SPDL1: variants seen among roughly 807,000 people sequenced by gnomAD.
The protein encoded by SPDL1 is spindle apparatus coiled-coil protein 1, also known as protein Spindly.
A neutral mutation model predicts 79.5 loss-of-function variants in SPDL1; 85 were observed. The ratio of observed to expected loss-of-function variants is 1.07; its 90% CI spans 0.90 to 1.28. The LOEUF (loss-of-function observed/expected upper bound fraction) is 1.28. Ranked by LOEUF, SPDL1 falls within the 50% of genes most tolerant of loss-of-function variation. SPDL1 has a pLI of 0.00. For synonymous variants in SPDL1, 269 were observed against 240.3 expected (o/e 1.12, Z -1.10); for missense variants, 703 against 697.8 (o/e 1.01, Z -0.08).
At chr5:169,597,370 A>G (rs1354458746) in intron 8 of SPDL1, among the ~76,000 whole-genome samples, 8 of 152,070 alleles carry the variant, frequency 5.3e-5, no homozygotes, top group Admixed American at 5.2e-4. Flanking sequence ...CCTTTATCAT[A>G]CATCAAGTTT....
chr5:169,593,548 G>A lies in SPDL1; in HGVS notation c.531G>A (p.Lys177=), dbSNP rs370881703. 1.9e-6 allele frequency: 3 copies of A among 1,578,078 alleles called. No individual in the cohort carries two copies. The South Asian group carries it at 3.6e-5, about 19-fold the overall frequency. The change falls in exon 4 of 12, where the codon AAG becomes AAA. Residue 177 remains lysine (K), a splice_region_variant and synonymous_variant. Transcript: ENST00000265295. ...AGCTGACAGAAATGGAGAGTATGAAGGTAATTTTTATGGCATGTGTTTCTC... is the reference window on the plus strand; with the variant it reads ...AGCTGACAGAAATGGAGAGTATGAAAGTAATTTTTATGGCATGTGTTTCTC... ...QIELTEMESM[K]TTLKEEVNEL...
intron 3 of SPDL1, 114 bp downstream of exon 3, chr5:169,591,338 A>C: frequency 9.8e-7 from 1 of 1,025,028 alleles, no homozygotes; most frequent in East Asian, 2.6e-5. Context: ...GCCAAGATCT[A>C]AGTCTTCATT....
At chr5:169,585,838 T>A (rs1359806590) in intron 1 of SPDL1, 3 of 152,238 alleles carry the variant, frequency 2.0e-5, no homozygotes, top group Admixed American at 6.5e-5. Context: ...TTACACAGAC[T>A]TCCACCACTG....
At chr5:169,592,263 C>T (rs1041730686) in intron 3 of SPDL1, among the ~76,000 whole-genome samples, 1 of 124,298 alleles carries the variant, frequency 8.0e-6, no homozygotes, top group African/African-American at 3.1e-5. Context: ...GTCGCCCAGG[C>T]TGGAGTGCAG....
rs759915620 is a variant in SPDL1 at position 169,593,325 on chromosome 5, A to G, written c.337-29A>G. The G allele has an allele frequency of 3.2e-6, 5 of 1,538,870 alleles. No homozygotes were observed. The East Asian group carries it at 6.9e-5, about 21-fold the overall frequency. The stretch of plus-strand genomic sequence containing the variant: ...GTTTTTAGAAAGAAAATAACTTTCA[A>G]TTTATGACTTTTTTTTTTTTGGCTT... On this transcript the variant is annotated intron_variant, in intron 3 of 11. Coordinates refer to ENST00000265295, the MANE Select transcript of SPDL1 (RefSeq NM_017785.5).
intron 11 of SPDL1, among the ~76,000 whole-genome samples, chr5:169,603,281 A>T (rs1452405340): frequency 6.6e-6 from 1 of 152,148 alleles, no homozygotes; most frequent in African/African-American, 2.4e-5. Flanking sequence ...TGTTCTTGTT[A>T]CCGAGAATCT....
chr5:169,601,874 ATATCACAGTT>A (rs1341129976), intron 11 of SPDL1: 1 of 562,270 alleles, frequency 1.8e-6, no homozygotes, highest in Non-Finnish European at 3.2e-6. Flanking sequence ...ATGAAAGGGA[ATATCACAGTT>A]TAACACATCT....
Position 169,601,529 on chromosome 5 carries a change from A to G in SPDL1, c.1574A>G (p.Gln525Arg). The change falls in exon 11 of 12, where the codon CAG becomes CGG. Residue 525 changes from glutamine to arginine, a missense_variant. Gln to Arg is a conservative substitution (Grantham distance 43, BLOSUM62 1). Coordinates refer to ENST00000265295, the MANE Select transcript of SPDL1 (RefSeq NM_017785.5). ...CACAAAAATCTGCCCGTGGATATGC[A>G]GCTGAAGAAGGAAAAGAAATGTGTG... is the stretch of plus-strand genomic sequence containing the variant. ...SPHKNLPVDM[Q>R]LKKEKKCVKL... is the part of the protein sequence containing the mutation. 2 of 1,614,212 alleles carry G rather than the reference A, an allele frequency of 1.2e-6. No homozygotes were observed. The highest frequency in any genetic ancestry group is 2.2e-5 in the South Asian group (2 of 91,086).
rs758896059 is a variant in SPDL1, at chr5:169,594,434, A to G, written c.722A>G (p.Asp241Gly). 2.8e-5 allele frequency: 45 copies of G among 1,614,004 alleles called. No individual in the cohort carries two copies. The highest frequency in any genetic ancestry group is 3.7e-5 in the Non-Finnish European group (44 of 1,179,966). Residue 241 changes from aspartate (D) to glycine (G), a missense_variant, in exon 6 of 12, where the codon GAC becomes GGC. Transcript: ENST00000265295. ...VANQDLQVQLDQALQQALDPN... is the reference protein window; with the variant it reads ...VANQDLQVQLGQALQQALDPN... ...AATCAAGATCTTCAGGTACAGTTGG[A>G]CCAGGCACTCCAGCAAGCCTTGGAT...
chr5:169,592,286 G>T (rs1415784019), intron 3 of SPDL1, among the ~76,000 whole-genome samples: 2 of 130,332 alleles, frequency 1.5e-5, no homozygotes, highest in Non-Finnish European at 3.1e-5. Context: ...GCATGATCTC[G>T]GCTCACCTGC....
chr5:169,598,912 C>A, intron 9 of SPDL1, 60 bp from the exon 10 acceptor site: 1 of 1,490,154 alleles, frequency 6.7e-7, no homozygotes, highest in East Asian at 2.3e-5. Context: ...AATATTTATA[C>A]CACTACACTT....
chr5:169,603,613 T>C (rs958694786), intron 11 of SPDL1, among the ~76,000 whole-genome samples: 2 of 152,166 alleles, frequency 1.3e-5, no homozygotes, highest in African/African-American at 2.4e-5. Flanking sequence ...CCCGGCACTT[T>C]GGGAGGCTGA....
intron 7 of SPDL1, chr5:169,596,036 T>C (rs1755563180): frequency 1.3e-5 from 2 of 152,438 alleles, no homozygotes; most frequent in African/African-American, 2.4e-5. Context: ...ATGAGGTAAG[T>C]TGAGTGCTGC....
At chr5:169,584,722 A>G (rs1754892091) in intron 1 of SPDL1, among the ~76,000 whole-genome samples, 1 of 152,012 alleles carries the variant, frequency 6.6e-6, no homozygotes, top group South Asian at 2.1e-4. Context: ...AGTTCCCATC[A>G]CACTTCGCGT....
intron 10 of SPDL1, 107 bp downstream of exon 10, chr5:169,599,266 GTAGT>G (rs1755761641): frequency 1.0e-6 from 1 of 974,618 alleles, no homozygotes; most frequent in African/African-American, 1.7e-5. Context: ...AAACTCATTT[GTAGT>G]TATATACCTA....
At chr5:169,598,440 T>C (rs772382872) in intron 8 of SPDL1, 36 bp from the exon 9 acceptor site, 9 of 1,306,872 alleles carry the variant, frequency 6.9e-6, no homozygotes, top group South Asian at 5.9e-5. Flanking sequence ...TTATTTGTTA[T>C]TTATTTTAAG....
At position 169,591,171 on chromosome 5, in the gene SPDL1, G is replaced by T. The variant is rs1253117308; in HGVS notation, c.283G>T (p.Glu95Ter). The change falls in exon 3 of 12, where the codon GAA (glutamate) becomes TAA (stop). Residue 95 changes from glutamate (E) to a stop codon, truncating the protein, a stop_gained. Coordinates refer to ENST00000265295, the MANE Select transcript of SPDL1 (RefSeq NM_017785.5). LOFTEE classifies it high-confidence loss of function. ...QQQKMHLEKL[E>*]EQLSRSHGQE... ...ACAAAAAATGCACCTGGAGAAATTG[G>T]AAGAACAACTAAGCAGAAGCCATGG... The T allele has an allele frequency of 6.2e-7, 1 of 1,614,026 alleles. No individual in the cohort carries two copies. The highest frequency in any genetic ancestry group is 1.1e-5 in the South Asian group (1 of 91,070).
At chr5:169,589,017 C>T (rs772229116) in intron 2 of SPDL1, among the ~76,000 whole-genome samples, 9 of 152,038 alleles carry the variant, frequency 5.9e-5, no homozygotes, top group Non-Finnish European at 7.4e-5. Flanking sequence ...TATTCTTTTA[C>T]GATTTTTTTT....
At chr5:169,597,046 T>C (rs1755622715) in intron 8 of SPDL1, among the ~76,000 whole-genome samples, 1 of 152,194 alleles carries the variant, frequency 6.6e-6, no homozygotes, top group Non-Finnish European at 1.5e-5. Flanking sequence ...TATAATCCAT[T>C]GCTTGCTTTA....
Sources: gnomAD v4.1 joint callset for allele counts (sites outside exome capture counted in the v4.1 genomes callset) on GRCh38, gnomAD v4.1.1 for gene constraint, MANE v1.5 for transcripts, NCBI Gene and HGNC (gene_info 2026-07-23, HGNC 2026-07-21) for gene names.